The following UHRF1 variants were observed in gnomAD, a reference collection of about 807,000 sequenced individuals.
UHRF1 encodes E3 ubiquitin-protein ligase UHRF1.
UHRF1 carries 9 observed loss-of-function variants against 96.5 expected under a neutral mutation model. That is an observed-to-expected ratio of 0.09 (90% CI 0.06 to 0.16). The LOEUF (loss-of-function observed/expected upper bound fraction) is 0.16. UHRF1 is among the 10% of genes least tolerant of loss of function. The pLI is 1.00. For synonymous variants in UHRF1, 455 were observed against 469.9 expected (o/e 0.97, Z 0.41); for missense variants, 626 against 1,131.1 (o/e 0.55, Z 6.40).
chr19:4,954,945 G>A lies in UHRF1; in HGVS notation c.2130+123G>A. 1 of 1,274,136 alleles carries A rather than the reference G, an allele frequency of 7.8e-7. No homozygotes were observed. The highest frequency in any genetic ancestry group is 1.1e-6 in the Non-Finnish European group (1 of 913,062). 78.9% of individuals were successfully genotyped at this position (1,274,136 alleles called of 1,614,324 possible). ...TCAGTCGCACTGAGTACATTCTTGTGGTTGTGCAACCATCACCACCATCAC... is the reference window on the plus strand; with the variant it reads ...TCAGTCGCACTGAGTACATTCTTGTAGTTGTGCAACCATCACCACCATCAC... On this transcript the variant is annotated intron_variant, in intron 15 of 16. Coordinates refer to ENST00000650932, the MANE Select transcript of UHRF1 (RefSeq NM_001048201.3). The surrounding 1 kb of genome is among the most constrained non-coding windows in gnomAD (Gnocchi z 5.9).
rs190697532 is a variant in UHRF1, at chr19:4,956,873, C to T, written c.2235+60C>T. 1.8e-5 allele frequency: 21 copies of T among 1,182,818 alleles called. No homozygotes were observed. In the Middle Eastern group the frequency reaches 5.7e-4, roughly 32 times the overall value. The allele number at this position is 1,182,818 out of a possible 1,614,324, so 73.3% of individuals were successfully genotyped here. On this transcript the variant is annotated intron_variant, in intron 16 of 16. Transcript: ENST00000650932. ...GTTCTGGAAGGATGACCTGACCTCC[C>T]GTTCCCACATGCCTGCCACTACAGA... is the stretch of plus-strand genomic sequence containing the variant.
intron 2 of UHRF1, among the ~76,000 whole-genome samples, chr19:4,912,482 T>C (rs1024495209): frequency 1.3e-5 from 2 of 152,198 alleles, no homozygotes; most frequent in African/African-American, 4.8e-5. Flanking sequence ...GTATCCACTC[T>C]ATGCCAGCCA....
chr19:4,930,933 G>T lies in UHRF1; in HGVS notation c.569+57G>T. On this transcript the variant is annotated intron_variant, in intron 4 of 16. Transcript: ENST00000650932. This position sits in a 1 kb window ranked among gnomAD's most constrained non-coding sequence, Gnocchi z 4.4. ...TTCAGGCTCTGTGACGCGCATCCTTGGCTGCGGGTGTTCAGGCCAGAGCTT... is the reference window on the plus strand; with the variant it reads ...TTCAGGCTCTGTGACGCGCATCCTTTGCTGCGGGTGTTCAGGCCAGAGCTT... 1.2e-6 allele frequency: 2 copies of T among 1,600,934 alleles called. No individual in the cohort carries two copies. The highest frequency in any genetic ancestry group is 1.7e-6 in the Non-Finnish European group (2 of 1,171,932).
At chr19:4,933,024 G>A in intron 5 of UHRF1, 68 bp downstream of exon 5, 1 of 1,487,996 alleles carries the variant, frequency 6.7e-7, no homozygotes, top group South Asian at 1.3e-5. Context: ...CCCCGGACTG[G>A]CTTTGAAGCC....
At chr19:4,907,467 C>T (rs898574458), upstream of UHRF1, among the ~76,000 whole-genome samples, 4 of 151,994 alleles carry the variant, frequency 2.6e-5, no homozygotes, top group Admixed American at 2.6e-4. Context: ...TGGGGTTTCA[C>T]CATGTTGACC....
At chr19:4,926,277 C>T (rs1032819657) in intron 2 of UHRF1, among the ~76,000 whole-genome samples, 1 of 152,136 alleles carries the variant, frequency 6.6e-6, no homozygotes, top group African/African-American at 2.4e-5. Context: ...CCTGCGTGTA[C>T]AGGTTGACGT....
At chr19:4,959,317 G>A (rs2033933362) in intron 16 of UHRF1, among the ~76,000 whole-genome samples, 1 of 152,028 alleles carries the variant, frequency 6.6e-6, no homozygotes, top group African/African-American at 2.4e-5. Context: ...GCGACAGAGC[G>A]AGACTCTATC....
chr19:4,920,892 A>G (rs1416517274), intron 2 of UHRF1, among the ~76,000 whole-genome samples: 2 of 152,028 alleles, frequency 1.3e-5, no homozygotes, highest in Non-Finnish European at 2.9e-5. Context: ...TTGGGAGGCC[A>G]AGGCGGGTGG....
chr19:4,909,335 G>A (rs1256001009), upstream of UHRF1: 2 of 583,038 alleles, frequency 3.4e-6, no homozygotes, highest in Non-Finnish European at 6.0e-6. Flanking sequence ...GGGCGGAGCC[G>A]TGGCCCACTA....
intron 13 of UHRF1, among the ~76,000 whole-genome samples, chr19:4,951,359 T>C (rs1028439421): frequency 1.3e-5 from 2 of 152,256 alleles, no homozygotes; most frequent in East Asian, 3.9e-4. Flanking sequence ...TTGAAGGTCA[T>C]TGTGGGTCAC....
At chr19:4,916,696 A>G (rs1359869675) in intron 2 of UHRF1, among the ~76,000 whole-genome samples, 1 of 152,078 alleles carries the variant, frequency 6.6e-6, no homozygotes, top group Non-Finnish European at 1.5e-5. Context: ...ATCCTCCTGC[A>G]TCCGTTTTTC....
chr19:4,930,799 C>G lies in UHRF1; in HGVS notation c.492C>G (p.Pro164=), dbSNP rs940939799. ...AQVVRVTRKA[P]SRDEPCSSTS... ...TGGTCAGGGTGACGCGGAAGGCCCC[C>G]TCCCGGGACGAGCCCTGCAGCTCCA... is the stretch of plus-strand genomic sequence containing the variant. The change falls in exon 4 of 17, where the codon CCC becomes CCG. Residue 164 remains proline (P), a synonymous_variant. Transcript: ENST00000650932. This position sits in a 1 kb window ranked among gnomAD's most constrained non-coding sequence, Gnocchi z 4.4. 2.5e-6 allele frequency: 4 copies of G among 1,613,978 alleles called. No individual in the cohort carries two copies. In the East Asian group the frequency reaches 6.7e-5, roughly 27 times the overall value.
intron 2 of UHRF1, among the ~76,000 whole-genome samples, chr19:4,928,031 C>A (rs1053133448): frequency 2.6e-5 from 4 of 152,172 alleles, no homozygotes; most frequent in Non-Finnish European, 5.9e-5. Flanking sequence ...TAGGGCACAG[C>A]ATCATGGGAT....
rs562432812 is a variant in UHRF1 at position 4,932,967 on chromosome 19, C to T, written c.785+11C>T. 1.4e-5 allele frequency: 23 copies of T among 1,591,558 alleles called. No individual in the cohort carries two copies. The highest frequency in any genetic ancestry group is 1.7e-4 in the Middle Eastern group (1 of 5,966). On this transcript the variant is annotated intron_variant, in intron 5 of 16. Coordinates refer to ENST00000650932, the MANE Select transcript of UHRF1 (RefSeq NM_001048201.3). ...CAACGTGGTGCTGGGGTGAGCCTCG[C>T]GTCCTGGGGCGAGCCCTTCCTCTCT...
chr19:4,942,970 T>A (rs2033452196), intron 7 of UHRF1, among the ~76,000 whole-genome samples: 1 of 151,558 alleles, frequency 6.6e-6, no homozygotes, highest in Non-Finnish European at 1.5e-5. Context: ...TCAGGTGCAG[T>A]GGCTCATGCC....
intron 11 of UHRF1, among the ~76,000 whole-genome samples, chr19:4,948,807 CAAGA>C (rs1010676610): frequency 1.3e-5 from 2 of 148,402 alleles, no homozygotes; most frequent in Non-Finnish European, 3.0e-5. Context: ...GACTCTATCT[CAAGA>C]AAGAAAGAAA....
At chr19:4,910,586 G>T in intron 1 of UHRF1, 1 of 320,622 alleles carries the variant, frequency 3.1e-6, no homozygotes, top group East Asian at 4.8e-5. Context: ...TTCTCCTCTG[G>T]TCGTGGGGAA....
At chr19:4,933,609 G>A (rs2033126708) in intron 5 of UHRF1, among the ~76,000 whole-genome samples, 1 of 152,140 alleles carries the variant, frequency 6.6e-6, no homozygotes, top group African/African-American at 2.4e-5. Context: ...CACACATGAA[G>A]GTTCTCCCTC....
intron 16 of UHRF1, among the ~76,000 whole-genome samples, chr19:4,960,297 G>A (rs1182885278): frequency 6.6e-6 from 1 of 152,264 alleles, no homozygotes; most frequent in African/African-American, 2.4e-5. Flanking sequence ...ACAGGTGGAA[G>A]GAGAGGTGCC....
Sources: gnomAD v4.1 joint callset for allele counts (sites outside exome capture counted in the v4.1 genomes callset) on GRCh38, gnomAD v4.1.1 for gene constraint, Gnocchi (gnomAD v3.1) non-coding constraint, MANE v1.5 for transcripts, NCBI Gene and HGNC (gene_info 2026-07-23, HGNC 2026-07-21) for gene names.